ANK3: variants seen among roughly 807,000 people sequenced by gnomAD.
ANK3 encodes ankyrin 3.
A neutral mutation model predicts 370.9 loss-of-function variants in ANK3; 57 were observed. The ratio of observed to expected loss-of-function variants is 0.15; its 90% confidence interval spans 0.12 to 0.19. ANK3 has a LOEUF of 0.19. ANK3 is among the 10% of genes least tolerant of loss of function. The pLI, the probability that ANK3 is intolerant of heterozygous loss-of-function variation, is 1.00. For missense variants in ANK3, 4,439 were observed against 5,302.1 expected (o/e 0.84, Z 5.06); for synonymous variants, 1,929 against 1,946.3 (o/e 0.99, Z 0.23).
chr10:60,196,060 C>T (rs1442097182), intron 16 of ANK3, 85 bp downstream of exon 16: 3 of 1,205,602 alleles, frequency 2.5e-6, no homozygotes, highest in East Asian at 2.4e-5. Context: ...TAGGAGGGTG[C>T]TCCTGCTGAA....
At chr10:60,673,344 G>A (rs1386762089) in intron 1 of ANK3, among the ~76,000 whole-genome samples, 1 of 141,524 alleles carries the variant, frequency 7.1e-6, no homozygotes, top group Non-Finnish European at 1.6e-5. Flanking sequence ...CCTCTCTTCA[G>A]ACAAGATTTT....
intron 1 of ANK3, among the ~76,000 whole-genome samples, chr10:60,717,779 A>G (rs115712403): frequency 0.02 from 3,013 of 152,332 alleles, 95 homozygotes; most frequent in African/African-American, 0.069. Context: ...AAAGTTACCA[A>G]GAGACTGAGA....
chr10:60,395,564 CTTTCTTTCTTTCT>C (rs1567004256), intron 2 of ANK3, among the ~76,000 whole-genome samples: 4 of 101,714 alleles, frequency 3.9e-5, no homozygotes, highest in Non-Finnish European at 8.0e-5. Flanking sequence ...TTCTTTCTTT[CTTTCTTTCTTTCT>C]TTCTTTCTTT....
intron 12 of ANK3, 32 bp from the exon 13 acceptor site, chr10:60,200,259 C>A (rs776259141): frequency 2.6e-6 from 4 of 1,540,956 alleles, no homozygotes; most frequent in Admixed American, 1.7e-5. Flanking sequence ...AAATTAGCTG[C>A]AGCTCTGAAG....
At chr10:60,232,118 A>C (rs765559638) in intron 8 of ANK3, among the ~76,000 whole-genome samples, 2 of 152,138 alleles carry the variant, frequency 1.3e-5, no homozygotes, top group African/African-American at 2.4e-5. Flanking sequence ...TGAACTTCCT[A>C]TGTATCCTTT....
chr10:60,614,833 G>A (rs544040296), intron 2 of ANK3, among the ~76,000 whole-genome samples: 13 of 152,208 alleles, frequency 8.5e-5, no homozygotes, highest in African/African-American at 2.9e-4. Context: ...ATTATCAATG[G>A]AGAAATGGAT....
At chr10:60,273,822 AG>A (rs2098040561) in intron 4 of ANK3, among the ~76,000 whole-genome samples, 1 of 152,114 alleles carries the variant, frequency 6.6e-6, no homozygotes, top group Admixed American at 6.5e-5. Context: ...TCCCTGCACA[AG>A]CTCTCTTGCC....
At chr10:60,288,232 T>C (rs562778139) in intron 1 of ANK3, among the ~76,000 whole-genome samples, 3 of 152,178 alleles carry the variant, frequency 2.0e-5, no homozygotes, top group Non-Finnish European at 4.4e-5. Context: ...TGGGTCCAGC[T>C]CAAAGATCCC....
At chr10:60,043,328 G>A (rs1427622026) in intron 42 of ANK3, 2 of 985,196 alleles carry the variant, frequency 2.0e-6, no homozygotes, top group African/African-American at 3.5e-5. Flanking sequence ...ATTTTTAACA[G>A]AAAACAAATG....
intron 7 of ANK3, among the ~76,000 whole-genome samples, chr10:60,252,887 C>A (rs1323722260): frequency 6.6e-6 from 1 of 152,196 alleles, no homozygotes; most frequent in Non-Finnish European, 1.5e-5. Flanking sequence ...AGCGTCCCCT[C>A]CTGGATGCAA....
At chr10:60,433,551 C>T (rs1258207396) in intron 2 of ANK3, among the ~76,000 whole-genome samples, 2 of 152,016 alleles carry the variant, frequency 1.3e-5, no homozygotes, top group South Asian at 2.1e-4. Context: ...CGAGATCATG[C>T]CACCGCACGA....
intron 11 of ANK3, among the ~76,000 whole-genome samples, chr10:60,205,285 G>A (rs1438269144): frequency 6.6e-6 from 1 of 152,184 alleles, no homozygotes. Context: ...GTCGTCTTGT[G>A]CAGGGTTTCT....
rs200251475 is a variant in ANK3 at position 60,114,346 on chromosome 10, G to A, written c.2842-15C>T. 5.4e-6 allele frequency: 8 copies of A among 1,479,094 alleles called. No individual in the cohort carries two copies. The highest frequency in any genetic ancestry group is 7.5e-6 in the Non-Finnish European group (8 of 1,068,470). 91.6% of individuals were successfully genotyped at this position (1,479,094 alleles called of 1,614,324 possible). A position where few individuals can be genotyped will look rare whatever the true frequency, so the allele number is the denominator to read the frequency against. ...AATGTTAGATGCTGAAAAATAAAAT[G>A]GTAAATTAAATTACATCAACAAACC... On this transcript the variant is annotated splice_polypyrimidine_tract_variant and intron_variant, in intron 25 of 43. Transcript: ENST00000280772.
intron 1 of ANK3, among the ~76,000 whole-genome samples, chr10:60,619,410 T>C (rs1273304209): frequency 1.3e-5 from 2 of 152,200 alleles, no homozygotes; most frequent in African/African-American, 2.4e-5. Context: ...TGTGCTTAAG[T>C]AGAATCTGAA....
intron 1 of ANK3, among the ~76,000 whole-genome samples, chr10:60,707,910 GA>G (rs893627253): frequency 6.6e-6 from 1 of 151,788 alleles, no homozygotes; most frequent in Non-Finnish European, 1.5e-5. Flanking sequence ...CAACAAAAAG[GA>G]AAAAAAGGGA....
chr10:60,301,786 G>A (rs191816225), intron 1 of ANK3, among the ~76,000 whole-genome samples: 6 of 152,202 alleles, frequency 3.9e-5, no homozygotes, highest in Non-Finnish European at 1.5e-5. Context: ...CAACACTTTA[G>A]GCAACTTTTT....
intron 23 of ANK3, among the ~76,000 whole-genome samples, chr10:60,152,422 A>G (rs1415006029): frequency 6.6e-6 from 1 of 152,208 alleles, no homozygotes; most frequent in East Asian, 1.9e-4. Context: ...CTGGCTCTCT[A>G]TAGAAAAAGT....
At chr10:60,385,581 G>A (rs1319248399) in intron 1 of ANK3, among the ~76,000 whole-genome samples, 1 of 152,098 alleles carries the variant, frequency 6.6e-6, no homozygotes, top group Non-Finnish European at 1.5e-5. Context: ...ATGAATACAA[G>A]AATGAAGCAA....
At chr10:60,727,881 CTAGT>C (rs1394484256) in intron 1 of ANK3, among the ~76,000 whole-genome samples, 2 of 152,072 alleles carry the variant, frequency 1.3e-5, no homozygotes, top group African/African-American at 2.4e-5. Flanking sequence ...AAAGTAAGAA[CTAGT>C]TATTTATCTG....
Sources: allele counts gnomAD v4.1 joint callset (sites outside exome capture counted in the v4.1 genomes callset), GRCh38; gene constraint gnomAD v4.1.1; transcripts MANE v1.5; gene names NCBI Gene and HGNC (gene_info 2026-07-23, HGNC 2026-07-21).